The following PDE4D variants were observed in gnomAD, a reference collection of about 807,000 sequenced individuals.
PDE4D encodes phosphodiesterase 4D, also known as 3',5'-cyclic-AMP phosphodiesterase 4D.
A neutral mutation model predicts 87.4 loss-of-function variants in PDE4D; 24 were observed. That is an observed-to-expected ratio of 0.27 (90% CI 0.20 to 0.39). The LOEUF is 0.39. Among genes scored for constraint, PDE4D ranks in the 10% least tolerant of loss-of-function variants. PDE4D has a pLI of 1.00. For synonymous variants in PDE4D, 384 were observed against 383.2 expected (o/e 1.00, Z -0.02); for missense variants, 714 against 1,041.0 (o/e 0.69, Z 4.32).
intron 1 of PDE4D, among the ~76,000 whole-genome samples, chr5:59,838,041 A>G (rs1742400509): frequency 6.6e-6 from 1 of 152,096 alleles, no homozygotes; most frequent in Non-Finnish European, 1.5e-5. Context: ...CTTTAGTTAG[A>G]ATGCTAGAAT....
intron 1 of PDE4D, among the ~76,000 whole-genome samples, chr5:59,276,557 C>T (rs13328160): frequency 0.082 from 12,410 of 152,034 alleles, 649 homozygotes; most frequent in Non-Finnish European, 0.12. Flanking sequence ...TGTAAATTAC[C>T]TCTTAAAAAT....
chr5:59,566,583 TGA>T (rs564167777), intron 1 of PDE4D, among the ~76,000 whole-genome samples: 48 of 146,858 alleles, frequency 3.3e-4, no homozygotes, highest in African/African-American at 1.2e-3. Context: ...TGTGTGTGTG[TGA>T]GAGAATGAGA....
intron 2 of PDE4D, among the ~76,000 whole-genome samples, chr5:60,145,655 A>C (rs1780926173): frequency 6.6e-6 from 1 of 152,200 alleles, no homozygotes; most frequent in South Asian, 2.1e-4. Context: ...CCTAGCAGAG[A>C]GCCTTTCAGA....
chr5:59,178,930 G>A (rs1205592384), intron 5 of PDE4D, among the ~76,000 whole-genome samples: 1 of 152,110 alleles, frequency 6.6e-6, no homozygotes, highest in Non-Finnish European at 1.5e-5. Flanking sequence ...TCAGGTACAG[G>A]TTCATAAATG....
At chr5:59,354,310 C>T (rs749032677) in intron 1 of PDE4D, among the ~76,000 whole-genome samples, 4 of 152,162 alleles carry the variant, frequency 2.6e-5, no homozygotes, top group Non-Finnish European at 2.9e-5. Context: ...TTACTTTCAC[C>T]GCGTAAGGAT....
At chr5:59,232,825 T>TAC in intron 1 of PDE4D, among the ~76,000 whole-genome samples, 1 of 150,802 alleles carries the variant, frequency 6.6e-6, no homozygotes, top group African/African-American at 2.5e-5. Flanking sequence ...TATATATATA[T>TAC]ATACACACAC....
chr5:59,402,312 A>T (rs1313222207), intron 1 of PDE4D, among the ~76,000 whole-genome samples: 1 of 152,214 alleles, frequency 6.6e-6, no homozygotes, highest in Non-Finnish European at 1.5e-5. Flanking sequence ...ACTAGTTATA[A>T]ATCATCTTTA....
At chr5:59,887,048 A>G (rs987858551) in intron 1 of PDE4D, among the ~76,000 whole-genome samples, 2 of 152,164 alleles carry the variant, frequency 1.3e-5, no homozygotes, top group Admixed American at 1.3e-4. Context: ...AAAAAACACA[A>G]GAGTTATTTC....
At chr5:60,009,467 T>C (rs1054839659) in intron 2 of PDE4D, among the ~76,000 whole-genome samples, 4 of 152,058 alleles carry the variant, frequency 2.6e-5, no homozygotes, top group African/African-American at 9.7e-5. Context: ...CAAACATTCC[T>C]GCCTTCATAG....
intron 1 of PDE4D, among the ~76,000 whole-genome samples, chr5:59,390,099 G>A (rs1007930452): frequency 6.6e-6 from 1 of 151,914 alleles, no homozygotes; most frequent in Non-Finnish European, 1.5e-5. Context: ...AATATCACAT[G>A]TACCTCCTAA....
Position 60,460,362 on chromosome 5 carries a change from T to C in PDE4D, c.-90+27580A>G, listed in dbSNP as rs1392676635. The C allele has an allele frequency of 3.0e-6, 3 of 996,832 alleles. No individual in the cohort carries two copies. The Admixed American group carries it at 5.1e-5, about 17-fold the overall frequency. The allele number at this position is 996,832 out of a possible 1,614,324, so 61.7% of individuals were successfully genotyped here. Reference sequence around the variant, plus strand: ...TGTAACCTGATTTAATATCTTCAAATTCTGTCATTTCAACTCTGCTCAAAT... The same window carrying C: ...TGTAACCTGATTTAATATCTTCAAACTCTGTCATTTCAACTCTGCTCAAAT... On this transcript the variant is annotated intron_variant, in intron 1 of 16. Coordinates refer to the PDE4D transcript ENST00000502484.
intron 2 of PDE4D, among the ~76,000 whole-genome samples, chr5:60,039,606 A>T (rs974530195): frequency 1.1e-4 from 16 of 150,566 alleles, no homozygotes; most frequent in Admixed American, 1.3e-4. Context: ...GAAAAAAAAT[A>T]AAAAAAATAA....
chr5:60,162,348 A>G (rs1782533954), intron 2 of PDE4D, among the ~76,000 whole-genome samples: 1 of 152,082 alleles, frequency 6.6e-6, no homozygotes, highest in Non-Finnish European at 1.5e-5. Context: ...TTCCATGTCA[A>G]CTAAGAGTTG....
At chr5:59,822,030 A>G (rs72751280) in intron 1 of PDE4D, among the ~76,000 whole-genome samples, 39,554 of 152,060 alleles carry the variant, frequency 0.26, 5,529 homozygotes, top group Admixed American at 0.35. Context: ...TTATAAATAA[A>G]TTTTAAATGT....
intron 1 of PDE4D, among the ~76,000 whole-genome samples, chr5:59,637,109 G>T (rs1307742698): frequency 1.3e-5 from 2 of 152,120 alleles, no homozygotes; most frequent in Non-Finnish European, 2.9e-5. Context: ...ATTCTCAAAA[G>T]AAGACATTTA....
chr5:59,321,867 C>T (rs545081815), intron 1 of PDE4D, among the ~76,000 whole-genome samples: 3 of 152,240 alleles, frequency 2.0e-5, no homozygotes, highest in Admixed American at 2.0e-4. Context: ...CGCATGCGCA[C>T]TTGTGCACAC....
chr5:59,781,699 C>T (rs770760086), intron 1 of PDE4D, among the ~76,000 whole-genome samples: 30 of 141,192 alleles, frequency 2.1e-4, no homozygotes, highest in Admixed American at 1.1e-3. Context: ...GGCAGAGAAT[C>T]GCTTGAATCC....
intron 1 of PDE4D, among the ~76,000 whole-genome samples, chr5:59,809,746 A>G (rs1768130298): frequency 6.6e-6 from 1 of 152,108 alleles, no homozygotes; most frequent in East Asian, 1.9e-4. Flanking sequence ...CCCATTGAAG[A>G]AGGGACAAAA....
chr5:59,334,905 C>T (rs1777407779), intron 1 of PDE4D, among the ~76,000 whole-genome samples: 1 of 152,096 alleles, frequency 6.6e-6, no homozygotes, highest in South Asian at 2.1e-4. Context: ...TGAAATGTTA[C>T]TGGTACATAT....
Sources: allele counts gnomAD v4.1 joint callset (sites outside exome capture counted in the v4.1 genomes callset), GRCh38; gene constraint gnomAD v4.1.1; transcripts MANE v1.5; gene names NCBI Gene and HGNC (gene_info 2026-07-23, HGNC 2026-07-21).